LRP1B: variants seen among roughly 807,000 people sequenced by gnomAD.
LRP1B encodes low-density lipoprotein receptor-related protein 1B.
In LRP1B, 217 loss-of-function variants were observed where a neutral mutation model predicts 556.6. The ratio of observed to expected loss-of-function variants is 0.39; its 90% CI spans 0.35 to 0.44. The LOEUF is 0.44. Among genes scored for constraint, LRP1B ranks in the 20% least tolerant of loss-of-function variants. The probability of loss-of-function intolerance (pLI) is 1.00; values close to 1 mark genes in which losing one functional copy is unlikely to be tolerated. For missense variants in LRP1B, 5,053 were observed against 5,620.8 expected, an observed-to-expected ratio of 0.90 and a Z score of 3.23; for synonymous variants, 2,047 against 1,865.8, an observed-to-expected ratio of 1.10 and a Z score of -2.50.
At chr2:140,560,765 A>G (rs1293236446) in intron 43 of LRP1B, among the ~76,000 whole-genome samples, 1 of 152,172 alleles carries the variant, frequency 6.6e-6, no homozygotes, top group Admixed American at 6.5e-5. Flanking sequence ...AAATTCTCAA[A>G]CTAATTCTAA....
chr2:140,814,334 G>C (rs1691031092), intron 31 of LRP1B, among the ~76,000 whole-genome samples: 1 of 151,964 alleles, frequency 6.6e-6, no homozygotes, highest in Non-Finnish European at 1.5e-5. Context: ...CACTTAACAG[G>C]TATCTCTATG....
intron 2 of LRP1B, among the ~76,000 whole-genome samples, chr2:141,782,693 A>G (rs1179286685): frequency 6.6e-6 from 1 of 152,046 alleles, no homozygotes. Context: ...AAAATTACTA[A>G]AAACAAACAT....
chr2:141,524,734 G>T (rs925123910), intron 2 of LRP1B, among the ~76,000 whole-genome samples: 1 of 151,144 alleles, frequency 6.6e-6, no homozygotes, highest in Non-Finnish European at 1.5e-5. Flanking sequence ...GCAGAGACTT[G>T]AAATTACCCC....
At position 140,353,083 on chromosome 2, in the gene LRP1B, A is replaced by G. The variant is rs1480386223; in HGVS notation, c.11531-11T>C. The stretch of plus-strand genomic sequence containing the variant: ...AACATTCATTAAGGTCTAGAAAAGA[A>G]GAGCTCAAAATAGCATCATCATACC... On this transcript the variant is annotated splice_polypyrimidine_tract_variant and intron_variant, in intron 75 of 90. Coordinates refer to ENST00000389484, the MANE Select transcript of LRP1B (RefSeq NM_018557.3). 6 of 1,612,436 alleles carry G rather than the reference A, an allele frequency of 3.7e-6. No individual in the cohort carries two copies. The highest frequency in any genetic ancestry group is 5.1e-6 in the Non-Finnish European group (6 of 1,179,208).
At chr2:140,663,648 CCTT>C (rs1441281404) in intron 41 of LRP1B, among the ~76,000 whole-genome samples, 7 of 151,962 alleles carry the variant, frequency 4.6e-5, no homozygotes, top group Non-Finnish European at 1.0e-4. Context: ...GCTGGTTTGA[CCTT>C]CTCTCCCGAC....
chr2:141,896,393 TAA>T (rs1166941996), intron 1 of LRP1B, among the ~76,000 whole-genome samples: 1 of 152,146 alleles, frequency 6.6e-6, no homozygotes, highest in Non-Finnish European at 1.5e-5. Context: ...AACTCTAACT[TAA>T]AGTGACAAAT....
At position 141,639,232 on chromosome 2, in the gene LRP1B, C is replaced by T. The variant is rs377095361; in HGVS notation, c.206-158699G>A. Reference sequence around the variant, plus strand: ...CAGTGGTCTTTGCATGGTCTCTTCACGCAAAGCACAGAGCACCACGCAGAC... The same window carrying T: ...CAGTGGTCTTTGCATGGTCTCTTCATGCAAAGCACAGAGCACCACGCAGAC... On this transcript the variant is annotated intron_variant, in intron 2 of 90. Transcript: ENST00000389484. Among the ~76,000 whole-genome samples, 58 of 139,122 alleles carry T rather than the reference C, an allele frequency of 4.2e-4. 1 individual carries two copies. In the South Asian group the frequency reaches 6.9e-3, roughly 17 times the overall value. The allele number at this position is 139,122 out of a possible 152,430, so 91.3% of individuals were successfully genotyped here.
At chr2:141,147,389 C>A (rs1234189149) in intron 7 of LRP1B, among the ~76,000 whole-genome samples, 1 of 152,124 alleles carries the variant, frequency 6.6e-6, no homozygotes, top group Non-Finnish European at 1.5e-5. Context: ...TTGTTATTTT[C>A]TTGTCCTTTA....
chr2:140,617,868 A>G (rs1432087353), intron 41 of LRP1B, among the ~76,000 whole-genome samples: 2 of 152,026 alleles, frequency 1.3e-5, no homozygotes, highest in Admixed American at 1.3e-4. Context: ...AACTGTTGAG[A>G]ACTTTCTTTC....
chr2:140,784,422 A>ACACACACACACACACAC (rs1559117335), intron 32 of LRP1B, among the ~76,000 whole-genome samples: 2 of 149,074 alleles, frequency 1.3e-5, no homozygotes, highest in Admixed American at 6.7e-5. Context: ...ACACACACAC[A>ACACACACACACACACAC]AAAGGCTCAG....
At chr2:141,211,049 A>G (rs1328047367) in intron 6 of LRP1B, among the ~76,000 whole-genome samples, 3 of 152,064 alleles carry the variant, frequency 2.0e-5, no homozygotes, top group Non-Finnish European at 4.4e-5. Flanking sequence ...GTACATTGGC[A>G]TGATCTCAGC....
At chr2:140,415,562 AT>A (rs1304742944) in intron 66 of LRP1B, among the ~76,000 whole-genome samples, 1 of 152,132 alleles carries the variant, frequency 6.6e-6, no homozygotes, top group African/African-American at 2.4e-5. Context: ...GCCAACACTT[AT>A]GGAAAATAGA....
intron 7 of LRP1B, among the ~76,000 whole-genome samples, chr2:141,075,505 C>T (rs576473189): frequency 3.9e-5 from 6 of 152,142 alleles, no homozygotes; most frequent in Admixed American, 3.3e-4. Flanking sequence ...TTTAGCATTC[C>T]TTCAGGAATC....
intron 41 of LRP1B, among the ~76,000 whole-genome samples, chr2:140,637,191 G>A (rs888983413): frequency 2.6e-5 from 4 of 152,090 alleles, no homozygotes; most frequent in Admixed American, 2.6e-4. Flanking sequence ...GGATCAAATG[G>A]CACTGAGATC....
chr2:141,433,242 A>C (rs1001575883), intron 3 of LRP1B, among the ~76,000 whole-genome samples: 1 of 151,972 alleles, frequency 6.6e-6, no homozygotes, highest in African/African-American at 2.4e-5. Context: ...CTTGTATTTA[A>C]AGAATATGCT....
At chr2:140,839,726 GA>G (rs1692039045) in intron 31 of LRP1B, among the ~76,000 whole-genome samples, 1 of 152,070 alleles carries the variant, frequency 6.6e-6, no homozygotes, top group Non-Finnish European at 1.5e-5. Context: ...CCTATTGTGG[GA>G]CTTCACCTTG....
At chr2:140,983,866 T>G (rs538135275) in intron 17 of LRP1B, among the ~76,000 whole-genome samples, 1 of 152,124 alleles carries the variant, frequency 6.6e-6, no homozygotes, top group East Asian at 1.9e-4. Context: ...AATTAACAGA[T>G]TTTAAATATT....
chr2:140,304,587 T>G (rs1226440772), intron 83 of LRP1B, among the ~76,000 whole-genome samples: 1 of 152,196 alleles, frequency 6.6e-6, no homozygotes, highest in African/African-American at 2.4e-5. Flanking sequence ...TGCAAAAATG[T>G]TCTCCCATTC....
At chr2:141,094,604 A>G (rs7584989) in intron 7 of LRP1B, among the ~76,000 whole-genome samples, 34,590 of 152,030 alleles carry the variant, frequency 0.23, 4,587 homozygotes, top group East Asian at 0.51. Context: ...AAACCATTCA[A>G]CCTTTCCCAC....
Sources: gnomAD v4.1 joint callset for allele counts (sites outside exome capture counted in the v4.1 genomes callset) on GRCh38, gnomAD v4.1.1 for gene constraint, MANE v1.5 for transcripts, NCBI Gene and HGNC (gene_info 2026-07-23, HGNC 2026-07-21) for gene names.